Variants in DIAPH2 observed in about 807,000 individuals in gnomAD.
DIAPH2 encodes the protein diaphanous related formin 2.
DIAPH2 carries 35 observed loss-of-function variants against 92.7 expected under a neutral mutation model. The observed-to-expected ratio is 0.38, with a 90% CI of 0.29 to 0.50. The LOEUF (loss-of-function observed/expected upper bound fraction) is 0.50. DIAPH2 is among the 20% of genes least tolerant of loss of function. The probability of loss-of-function intolerance (pLI) is 0.94; values close to 1 mark genes in which losing one functional copy is unlikely to be tolerated. For missense variants in DIAPH2, 701 were observed against 819.5 expected (o/e 0.86, Z 1.77); for synonymous variants, 301 against 280.4 (o/e 1.07, Z -0.73).
chrX:96,869,184 G>T (rs949752663), intron 4 of DIAPH2, among the ~76,000 whole-genome samples: 1 of 110,523 alleles, frequency 9.0e-6, no homozygotes, highest in Admixed American at 9.6e-5. Flanking sequence ...CTCCCCAGGA[G>T]CCTTCCTTTT....
chrX:97,177,717 A>G (rs1450676118), intron 22 of DIAPH2, among the ~76,000 whole-genome samples: 1 of 109,330 alleles, frequency 9.1e-6, no homozygotes, highest in African/African-American at 3.3e-5. Context: ...CTTAAAAAAA[A>G]AAAAAAAAAC....
chrX:97,222,810 T>C (rs896816744), intron 22 of DIAPH2, among the ~76,000 whole-genome samples: 6 of 111,173 alleles, frequency 5.4e-5, no homozygotes, highest in Non-Finnish European at 1.1e-4. Flanking sequence ...GTTTGGTTTG[T>C]GGTTTTTGTT....
intron 4 of DIAPH2, among the ~76,000 whole-genome samples, chrX:96,860,205 A>C (rs1602572634): frequency 8.9e-6 from 1 of 112,164 alleles, no homozygotes; most frequent in East Asian, 2.8e-4. Context: ...AACTGTATAG[A>C]ATGCTGTAAA....
chrX:96,701,012 G>A (rs2063852207), intron 1 of DIAPH2, among the ~76,000 whole-genome samples: 1 of 111,665 alleles, frequency 9.0e-6, no homozygotes, highest in South Asian at 3.7e-4. Flanking sequence ...TGTCTCATAT[G>A]CCTGAAATAA....
At chrX:96,785,475 CTTTTT>C (rs1157552270) in intron 4 of DIAPH2, among the ~76,000 whole-genome samples, 1 of 57,178 alleles carries the variant, frequency 1.7e-5, no homozygotes, top group African/African-American at 6.9e-5. Context: ...CCAAACTTGC[CTTTTT>C]TTTTTTTTTT....
At chrX:97,251,572 C>T (rs765159509) in intron 23 of DIAPH2, among the ~76,000 whole-genome samples, 30 of 110,479 alleles carry the variant, frequency 2.7e-4, no homozygotes, top group Non-Finnish European at 4.9e-4. Flanking sequence ...TACAGGCACA[C>T]GCCACCACGC....
At chrX:97,127,563 T>C (rs991868685) in intron 21 of DIAPH2, among the ~76,000 whole-genome samples, 2 of 112,557 alleles carry the variant, frequency 1.8e-5, no homozygotes, top group East Asian at 2.8e-4. Context: ...GGTTACTCGT[T>C]GATTTCTTAA....
At chrX:97,585,112 AG>A (rs1261508805) in intron 26 of DIAPH2, among the ~76,000 whole-genome samples, 1 of 111,880 alleles carries the variant, frequency 8.9e-6, no homozygotes, top group African/African-American at 3.3e-5. Context: ...TTTGTATATC[AG>A]TGATCAGTAC....
Position 97,217,261 on chromosome X carries a change from C to A in DIAPH2, c.2720-30454C>A, listed in dbSNP as rs755889973. Among the ~76,000 whole-genome samples, 4 of 111,712 alleles carry A rather than the reference C, an allele frequency of 3.6e-5. No individual in the cohort carries two copies. In the Admixed American group the frequency reaches 3.8e-4, roughly 11 times the overall value. Reference sequence around the variant, plus strand: ...GGACTGTTGCGTCTCACTTCAAATTCATCTGGTTTCCTTGGGCCGAATGGG... The same window carrying A: ...GGACTGTTGCGTCTCACTTCAAATTAATCTGGTTTCCTTGGGCCGAATGGG... On this transcript the variant is annotated intron_variant, in intron 22 of 26. Coordinates refer to ENST00000324765, the MANE Select transcript of DIAPH2 (RefSeq NM_006729.5).
rs568778053 is a variant in DIAPH2 at position 97,157,544 on chromosome X, G to T, written c.2719+15750G>T. On this transcript the variant is annotated intron_variant, in intron 22 of 26. Transcript: ENST00000324765. ...AAAGCACATCTCCCCATATATATAA[G>T]CGTTGTACCTACGGTAGATGCATTC... Among the ~76,000 whole-genome samples, 32 of 109,519 alleles carry T rather than the reference G, an allele frequency of 2.9e-4. 1 individual carries two copies. The highest frequency in any genetic ancestry group is 9.9e-4 in the African/African-American group (30 of 30,255).
chrX:97,082,205 C>T (rs1288347112), intron 19 of DIAPH2, among the ~76,000 whole-genome samples: 1 of 110,312 alleles, frequency 9.1e-6, no homozygotes, highest in Non-Finnish European at 1.9e-5. Context: ...ATATTTTATG[C>T]TGCCTTGGAC....
chrX:96,795,974 A>G (rs1234190169), intron 4 of DIAPH2, among the ~76,000 whole-genome samples: 2 of 111,008 alleles, frequency 1.8e-5, no homozygotes, highest in Non-Finnish European at 3.8e-5. Context: ...TGGAGACACA[A>G]CCAACGGAGA....
At position 96,962,478 on chromosome X, in the gene DIAPH2, TACACACAC is replaced by T. The variant is rs1159716286; in HGVS notation, c.1936-2603_1936-2596del. Among the ~76,000 whole-genome samples the T allele has an allele frequency of 5.2e-3, 130 of 25,211 alleles. 5 individuals carry two copies. The highest frequency in any genetic ancestry group is 0.021 in the South Asian group (11 of 526). 21.9% of individuals were successfully genotyped at this position (25,211 alleles called of 115,157 possible). On this transcript the variant is annotated intron_variant, in intron 16 of 26. Coordinates refer to ENST00000324765, the MANE Select transcript of DIAPH2 (RefSeq NM_006729.5). ...ACACATATATATATACATATATATA[TACACACAC>T]ACACACACACATATATATATATATA...
At chrX:96,829,439 A>T (rs952681471) in intron 4 of DIAPH2, among the ~76,000 whole-genome samples, 1 of 57,858 alleles carries the variant, frequency 1.7e-5, no homozygotes. Context: ...ACATATATAT[A>T]TGTATATATA....
chrX:97,292,586 C>T lies in DIAPH2; in HGVS notation c.2844+44747C>T, dbSNP rs186431217. Among the ~76,000 whole-genome samples the T allele has an allele frequency of 3.7e-3, 377 of 102,621 alleles. 2 individuals are homozygous for T. The highest frequency in any genetic ancestry group is 0.013 in the African/African-American group (348 of 27,606). The allele number at this position is 102,621 out of a possible 115,157, so 89.1% of individuals were successfully genotyped here. ...TTTTTGAGACGGAGTCTCACTCTGT[C>T]ACCAGGCTGGAGTGCAGTGGGGCGA... On this transcript the variant is annotated intron_variant, in intron 23 of 26. Coordinates refer to ENST00000324765, the MANE Select transcript of DIAPH2 (RefSeq NM_006729.5).
chrX:97,411,369 C>G (rs2069871183), intron 25 of DIAPH2, among the ~76,000 whole-genome samples: 1 of 111,742 alleles, frequency 8.9e-6, no homozygotes, highest in Non-Finnish European at 1.9e-5. Context: ...ATTGTGTCAC[C>G]ACCAGCCTGC....
At chrX:97,225,793 C>G (rs1329866372) in intron 22 of DIAPH2, among the ~76,000 whole-genome samples, 1 of 111,987 alleles carries the variant, frequency 8.9e-6, no homozygotes, top group Non-Finnish European at 1.9e-5. Context: ...TTGAAAGCAT[C>G]TGTCTTGTTT....
At chrX:97,000,620 TACACACACACACAC>T (rs56284459) in intron 17 of DIAPH2, among the ~76,000 whole-genome samples, 8 of 99,882 alleles carry the variant, frequency 8.0e-5, no homozygotes, top group Non-Finnish European at 1.6e-4. Flanking sequence ...TACAAATGAA[TACACACACACACAC>T]ACACACACAC....
intron 17 of DIAPH2, among the ~76,000 whole-genome samples, chrX:97,014,205 G>A (rs1425216386): frequency 1.2e-4 from 13 of 111,564 alleles, no homozygotes; most frequent in Admixed American, 9.5e-4. Flanking sequence ...AAAGAAGGAA[G>A]AGGTAGAAAA....
Sources: allele counts gnomAD v4.1 joint callset (sites outside exome capture counted in the v4.1 genomes callset), GRCh38; gene constraint gnomAD v4.1.1; transcripts MANE v1.5; gene names NCBI Gene and HGNC (gene_info 2026-07-23, HGNC 2026-07-21).